The following COX10 variants were observed in gnomAD, a reference collection of about 807,000 sequenced individuals.
COX10 encodes the protein protoheme IX farnesyltransferase, mitochondrial.
In COX10, 27 loss-of-function variants were observed where a neutral mutation model predicts 37.3. The ratio of observed to expected loss-of-function variants is 0.72; its 90% CI spans 0.53 to 1.00. COX10 has a LOEUF of 1.00. COX10 is among the 50% of genes least tolerant of loss of function. COX10 has a pLI of 0.00. For synonymous variants in COX10, 222 were observed against 229.1 expected, an observed-to-expected ratio of 0.97 and a Z score of 0.28; for missense variants, 475 against 563.2, an observed-to-expected ratio of 0.84 and a Z score of 1.59.
At chr17:14,130,790 G>T (rs1916446812) in intron 4 of COX10, among the ~76,000 whole-genome samples, 1 of 151,908 alleles carries the variant, frequency 6.6e-6, no homozygotes, top group South Asian at 2.1e-4. Flanking sequence ...GTTTCCTCCT[G>T]ATTTTTCTGT....
intron 4 of COX10, among the ~76,000 whole-genome samples, chr17:14,116,391 G>T (rs973889101): frequency 6.6e-6 from 1 of 152,092 alleles, no homozygotes; most frequent in Non-Finnish European, 1.5e-5. Context: ...CAAGCTAGGA[G>T]ATACAGAAAC....
chr17:14,113,143 C>G (rs2142207489), intron 4 of COX10, among the ~76,000 whole-genome samples: 1 of 152,266 alleles, frequency 6.6e-6, no homozygotes, highest in Non-Finnish European at 1.5e-5. Flanking sequence ...AAACGTCATT[C>G]ATTCATTCAT....
chr17:14,156,262 C>T (rs1414190290), intron 4 of COX10, among the ~76,000 whole-genome samples: 2 of 152,068 alleles, frequency 1.3e-5, no homozygotes, highest in Admixed American at 1.3e-4. Context: ...AGTCTTAACT[C>T]TGGTCCAGGC....
intron 3 of COX10, among the ~76,000 whole-genome samples, chr17:14,084,295 T>G (rs1915361955): frequency 6.6e-6 from 1 of 152,128 alleles, no homozygotes; most frequent in South Asian, 2.1e-4. Flanking sequence ...GTTATAGTAT[T>G]ATTTTTAATT....
At chr17:14,167,061 T>C (rs1905310733) in intron 5 of COX10, among the ~76,000 whole-genome samples, 1 of 152,156 alleles carries the variant, frequency 6.6e-6, no homozygotes, top group Admixed American at 6.5e-5. Context: ...ACATTCATGA[T>C]TCAGGGAGGA....
intron 5 of COX10, among the ~76,000 whole-genome samples, chr17:14,184,688 C>T (rs990727380): frequency 1.3e-5 from 2 of 152,222 alleles, no homozygotes; most frequent in Non-Finnish European, 2.9e-5. Flanking sequence ...GTTCACAGCC[C>T]TCTGTTCTTC....
At chr17:14,144,823 T>TCC (rs986081057) in intron 4 of COX10, among the ~76,000 whole-genome samples, 4 of 152,044 alleles carry the variant, frequency 2.6e-5, no homozygotes, top group Admixed American at 2.6e-4. Flanking sequence ...TCTTTTTCTC[T>TCC]CTCCCAAATG....
At chr17:14,143,828 T>A (rs1280832956) in intron 4 of COX10, among the ~76,000 whole-genome samples, 1 of 152,192 alleles carries the variant, frequency 6.6e-6, no homozygotes, top group Non-Finnish European at 1.5e-5. Context: ...CCCCTTTCTG[T>A]TTCCCTCCTT....
intron 4 of COX10, among the ~76,000 whole-genome samples, chr17:14,109,096 C>T (rs574883296): frequency 6.6e-6 from 1 of 152,256 alleles, no homozygotes; most frequent in African/African-American, 2.4e-5. Flanking sequence ...GGGCAACTTG[C>T]ATTCATTCAG....
At chr17:14,074,519 C>T (rs1424732027) in intron 2 of COX10, 63 bp downstream of exon 2, 30 of 1,439,252 alleles carry the variant, frequency 2.1e-5, no homozygotes, top group Non-Finnish European at 2.7e-5. Flanking sequence ...GAGAGAATTT[C>T]AGAAATTCCT....
chr17:14,084,291 G>A (rs2142187770), intron 3 of COX10, among the ~76,000 whole-genome samples: 1 of 152,028 alleles, frequency 6.6e-6, no homozygotes, highest in East Asian at 1.9e-4. Context: ...AAATGTTATA[G>A]TATTATTTTT....
intron 4 of COX10, among the ~76,000 whole-genome samples, chr17:14,130,741 G>A (rs1402525986): frequency 2.6e-5 from 4 of 151,730 alleles, no homozygotes; most frequent in Admixed American, 6.6e-5. Context: ...CCTCATTGTC[G>A]TCTTCATCTT....
chr17:14,080,521 G>A (rs1424361626), intron 3 of COX10, among the ~76,000 whole-genome samples: 1 of 152,148 alleles, frequency 6.6e-6, no homozygotes, highest in Admixed American at 6.5e-5. Flanking sequence ...CCAGCATTTG[G>A]GAATTAGACT....
At chr17:14,138,756 G>A (rs1398313618) in intron 4 of COX10, among the ~76,000 whole-genome samples, 3 of 152,102 alleles carry the variant, frequency 2.0e-5, no homozygotes, top group Non-Finnish European at 4.4e-5. Flanking sequence ...ATAAACAAGT[G>A]TCTTATCTCT....
intron 6 of COX10, among the ~76,000 whole-genome samples, chr17:14,202,783 T>C (rs900533129): frequency 3.0e-4 from 44 of 145,240 alleles, no homozygotes; most frequent in African/African-American, 1.0e-3. Flanking sequence ...TGGGGGAAGA[T>C]CCCACTCCTT....
intron 4 of COX10, among the ~76,000 whole-genome samples, chr17:14,141,106 A>G (rs995245376): frequency 6.6e-6 from 1 of 152,066 alleles, no homozygotes; most frequent in Admixed American, 6.6e-5. Flanking sequence ...ATTATGTTAT[A>G]GTGTTAATTT....
chr17:14,104,292 A>C (rs1915845444), intron 4 of COX10, among the ~76,000 whole-genome samples: 1 of 152,188 alleles, frequency 6.6e-6, no homozygotes, highest in Non-Finnish European at 1.5e-5. Flanking sequence ...CCCAAATCAT[A>C]ATATTTCCCA....
chr17:14,174,725 A>G (rs1905604033), intron 5 of COX10, among the ~76,000 whole-genome samples: 1 of 151,900 alleles, frequency 6.6e-6, no homozygotes, highest in African/African-American at 2.4e-5. Context: ...TTCCAAGAAC[A>G]GTTTGGCAGA....
At chr17:14,102,375 A>G in intron 4 of COX10, 133 bp downstream of exon 4, 3 of 1,356,384 alleles carry the variant, frequency 2.2e-6, no homozygotes, top group Non-Finnish European at 2.1e-6. Flanking sequence ...ATCCTATAGG[A>G]GCCTGTGGGT....
Sources: allele counts gnomAD v4.1 joint callset (sites outside exome capture counted in the v4.1 genomes callset), GRCh38; gene constraint gnomAD v4.1.1; transcripts MANE v1.5; gene names NCBI Gene and HGNC (gene_info 2026-07-23, HGNC 2026-07-21).